Variants in CAST observed in about 807,000 individuals in gnomAD.
The protein encoded by CAST is MIR583 host.
In CAST, 76 loss-of-function variants were observed where a neutral mutation model predicts 119.6. That is an observed-to-expected ratio of 0.64 (90% CI 0.53 to 0.77). The LOEUF is 0.77. Among genes scored for constraint, CAST ranks in the 30% least tolerant of loss-of-function variants. CAST has a pLI of 0.00. For synonymous variants in CAST, 319 were observed against 331.6 expected (o/e 0.96, Z 0.41); for missense variants, 953 against 946.5 (o/e 1.01, Z -0.09).
At chr5:96,244,009 G>T in the CAST span, among the ~76,000 whole-genome samples, 3 of 152,178 alleles carry the variant, frequency 2.0e-5, no homozygotes, top group Non-Finnish European at 4.4e-5. Context: ...GTACATGAGT[G>T]CACTCTTATT....
At chr5:96,321,318 G>A in the CAST span, among the ~76,000 whole-genome samples, 11 of 152,190 alleles carry the variant, frequency 7.2e-5, no homozygotes, top group Non-Finnish European at 1.3e-4. Context: ...AACCAAAAAT[G>A]TCTCCAGACA....
chr5:96,614,394 A>T (rs1383743695), intron 1 of CAST, among the ~76,000 whole-genome samples: 2 of 152,218 alleles, frequency 1.3e-5, no homozygotes, highest in African/African-American at 4.8e-5. Context: ...CAGCAAAAGC[A>T]TCCAGCCGGG....
the CAST span, chr5:96,399,135 A>G: frequency 3.5e-6 from 3 of 857,412 alleles, no homozygotes; most frequent in Non-Finnish European, 5.7e-6. Flanking sequence ...ATGCTCAACT[A>G]AGCTTTTTGT....
chr5:96,642,485 A>G (rs189543230), intron 1 of CAST, among the ~76,000 whole-genome samples: 3 of 151,516 alleles, frequency 2.0e-5, no homozygotes. Context: ...TTGTGGCACT[A>G]TTTGCATTGA....
intron 1 of CAST, among the ~76,000 whole-genome samples, chr5:96,621,268 G>A (rs1432726094): frequency 6.6e-6 from 1 of 152,052 alleles, no homozygotes; most frequent in African/African-American, 2.4e-5. Context: ...TATCAGTTCA[G>A]CTAGGTTCAG....
the CAST span, among the ~76,000 whole-genome samples, chr5:96,165,092 C>G: frequency 3.1e-3 from 479 of 152,120 alleles, 1 homozygote; most frequent in Non-Finnish European, 3.8e-3. Flanking sequence ...GGAAGTGAGG[C>G]CTCCGAGAGC....
chr5:96,014,384 T>A, the CAST span, among the ~76,000 whole-genome samples: 1 of 152,068 alleles, frequency 6.6e-6, no homozygotes, highest in African/African-American at 2.4e-5. Context: ...AACTTTTTTT[T>A]ATTATAAGTA....
the CAST span, among the ~76,000 whole-genome samples, chr5:96,197,654 T>C: frequency 6.6e-6 from 1 of 152,148 alleles, no homozygotes; most frequent in Non-Finnish European, 1.5e-5. Flanking sequence ...AGCATTGTTG[T>C]AGGTATCTTC....
intron 1 of CAST, among the ~76,000 whole-genome samples, chr5:96,663,590 G>T (rs1748898630): frequency 6.6e-6 from 1 of 152,196 alleles, no homozygotes; most frequent in Admixed American, 6.5e-5. Flanking sequence ...GAGGGCGATT[G>T]TTGGACGTAC....
intron 1 of CAST, among the ~76,000 whole-genome samples, chr5:96,640,659 A>G (rs141939944): frequency 2.4e-4 from 37 of 152,342 alleles, no homozygotes; most frequent in African/African-American, 8.7e-4. Context: ...GATCTGCTAG[A>G]TGCCTCAGAC....
At chr5:96,514,528 C>A in the CAST span, among the ~76,000 whole-genome samples, 1 of 152,160 alleles carries the variant, frequency 6.6e-6, no homozygotes, top group Non-Finnish European at 1.5e-5. Context: ...AGAACCCAAT[C>A]TTACTTGTAG....
the CAST span, among the ~76,000 whole-genome samples, chr5:96,118,945 C>T: frequency 6.6e-6 from 1 of 152,076 alleles, no homozygotes; most frequent in Non-Finnish European, 1.5e-5. Flanking sequence ...ACCACACTCC[C>T]TTTGTGGTAC....
At chr5:95,974,534 G>A in the CAST span, among the ~76,000 whole-genome samples, 22 of 152,110 alleles carry the variant, frequency 1.4e-4, no homozygotes, top group African/African-American at 5.3e-4. Flanking sequence ...AATAGTTTTC[G>A]AAGCTTTCTG....
chr5:96,251,747 A>C, the CAST span, among the ~76,000 whole-genome samples: 2 of 152,110 alleles, frequency 1.3e-5, no homozygotes, highest in Non-Finnish European at 2.9e-5. Flanking sequence ...TTGTTGACTA[A>C]GTCTTATGAG....
the CAST span, among the ~76,000 whole-genome samples, chr5:96,260,258 A>G: frequency 6.6e-6 from 1 of 152,228 alleles, no homozygotes; most frequent in Non-Finnish European, 1.5e-5. Context: ...GAAAATCTCT[A>G]AAACCGGAGA....
chr5:96,195,741 A>G, the CAST span, among the ~76,000 whole-genome samples: 5 of 152,332 alleles, frequency 3.3e-5, no homozygotes, highest in Admixed American at 3.3e-4. Flanking sequence ...GAATTATAAA[A>G]TATGGATGCG....
the CAST span, among the ~76,000 whole-genome samples, chr5:96,431,041 C>T: frequency 9.2e-5 from 14 of 152,164 alleles, no homozygotes; most frequent in Admixed American, 1.3e-4. Flanking sequence ...TCCTCCTACA[C>T]GGTTACCAGT....
chr5:96,445,506 C>T, the CAST span, among the ~76,000 whole-genome samples: 1 of 152,222 alleles, frequency 6.6e-6, no homozygotes, highest in Non-Finnish European at 1.5e-5. Context: ...CCTCCATGGG[C>T]AGTCATCTGA....
chr5:96,564,367 C>G (rs1746432933), intron 1 of CAST, among the ~76,000 whole-genome samples: 1 of 152,196 alleles, frequency 6.6e-6, no homozygotes, highest in African/African-American at 2.4e-5. Flanking sequence ...CTGACTTTTT[C>G]ACTTGGGCTG....
Sources: allele counts gnomAD v4.1 joint callset (sites outside exome capture counted in the v4.1 genomes callset), GRCh38; gene constraint gnomAD v4.1.1; transcripts MANE v1.5; gene names NCBI Gene and HGNC (gene_info 2026-07-23, HGNC 2026-07-21).